The following GC variants were observed in gnomAD, a reference collection of about 807,000 sequenced individuals.
The protein encoded by GC is vitamin D-binding protein.
In GC, 43 loss-of-function variants were observed where a neutral mutation model predicts 56.7. The ratio of observed to expected loss-of-function variants is 0.76; its 90% confidence interval spans 0.59 to 0.98. The LOEUF (loss-of-function observed/expected upper bound fraction) is 0.98, where lower values mean the gene tolerates loss of function less well. Ranked by LOEUF, GC falls within the 50% of genes least tolerant of loss-of-function variation. The pLI, the probability that GC is intolerant of heterozygous loss-of-function variation, is 0.00. For missense variants in GC, 529 were observed against 545.9 expected (o/e 0.97, Z 0.31); for synonymous variants, 216 against 202.7 (o/e 1.07, Z -0.56).
At chr4:71,778,891 G>GTTATTATTATTA (rs149876631) in intron 1 of GC, among the ~76,000 whole-genome samples, 3,175 of 143,278 alleles carry the variant, frequency 0.022, 101 homozygotes, top group African/African-American at 0.072. Context: ...ATTGCTGTCA[G>GTTATTATTATTA]TTATTATTAT....
At chr4:71,784,640 T>C (rs2149307297), upstream of GC, among the ~76,000 whole-genome samples, 1 of 151,938 alleles carries the variant, frequency 6.6e-6, no homozygotes, top group East Asian at 1.9e-4. Context: ...CATAGTACTT[T>C]GTATTTCTAT....
chr4:71,758,277 G>C, intron 6 of GC, 106 bp from the exon 7 acceptor site: 2 of 969,022 alleles, frequency 2.1e-6, no homozygotes, highest in South Asian at 3.0e-5. Flanking sequence ...TCACCTCCTT[G>C]GCCTCAAGAG....
chr4:71,794,517 T>C (rs1048417697), intron 1 of GC, among the ~76,000 whole-genome samples: 1 of 152,196 alleles, frequency 6.6e-6, no homozygotes, highest in African/African-American at 2.4e-5. Flanking sequence ...CTTTATCATA[T>C]TTTATTGCAT....
At position 71,783,983 on chromosome 4, in the gene GC, T is replaced by C. The variant is rs202105181; in HGVS notation, c.36A>G (p.Ala12=). 51 of 1,602,496 alleles carry C rather than the reference T, an allele frequency of 3.2e-5. No individual in the cohort carries two copies. The highest frequency in any genetic ancestry group is 5.1e-5 in the Admixed American group (3 of 58,940). The change falls in exon 1 of 13, where the codon GCA becomes GCG. Residue 12 remains alanine (A), a synonymous_variant. Transcript: ENST00000273951. ...TACCTCTCTCTAAAGCATGTCCAAA[T>C]GCCACAGCAAGCAGTAGTACCAGGA... ...KRVLVLLLAV[A]FGHALERGRD... is the part of the protein sequence containing the mutation.
intron 12 of GC, 54 bp downstream of exon 12, chr4:71,746,097 A>C: frequency 1.3e-6 from 1 of 744,416 alleles, no homozygotes; most frequent in African/African-American, 1.8e-5. Flanking sequence ...TGATATTTAA[A>C]ATACATCCTA....
intron 10 of GC, 71 bp from the exon 11 acceptor site, chr4:71,752,721 T>C (rs1741598362): frequency 3.1e-6 from 4 of 1,274,872 alleles, no homozygotes; most frequent in African/African-American, 3.0e-5. Flanking sequence ...TGCAAAATAA[T>C]AGCCATTTCA....
At chr4:71,787,397 C>T (rs542704257), upstream of GC, among the ~76,000 whole-genome samples, 14 of 152,010 alleles carry the variant, frequency 9.2e-5, no homozygotes, top group East Asian at 2.7e-3. Flanking sequence ...TCTTTCTTCC[C>T]TTACTCTATT....
At chr4:71,796,059 A>T (rs1162128934) in intron 1 of GC, among the ~76,000 whole-genome samples, 1 of 152,044 alleles carries the variant, frequency 6.6e-6, no homozygotes, top group African/African-American at 2.4e-5. Flanking sequence ...TTTGTGGGTA[A>T]CCCGACCTTT....
At chr4:71,778,119 A>G (rs1206656099) in intron 1 of GC, among the ~76,000 whole-genome samples, 1 of 151,964 alleles carries the variant, frequency 6.6e-6, no homozygotes, top group Non-Finnish European at 1.5e-5. Flanking sequence ...GTATAACTAC[A>G]TAACACTCCT....
chr4:71,792,700 A>G (rs1432456285), intron 1 of GC, among the ~76,000 whole-genome samples: 1 of 152,248 alleles, frequency 6.6e-6, no homozygotes, highest in East Asian at 1.9e-4. Context: ...TTTTGTTGCC[A>G]TAGCTTTTGG....
Position 71,758,122 on chromosome 4 carries a change from C to T in GC, c.751G>A (p.Val251Ile), listed in dbSNP as rs143184570. Residue 251 changes from valine (V) to isoleucine (I), a missense_variant, in exon 7 of 13, where the codon GTT becomes ATT. Transcript: ENST00000273951. ...GTAATATCTTCAGCTAGTGGCAAAA[C>T]ATCCTCCAGATCAGCAGTAGGCACT... Reference protein sequence around the residue: ...QKVPTADLEDVLPLAEDITNI... With the variant: ...QKVPTADLEDILPLAEDITNI... 1.2e-5 allele frequency: 20 copies of T among 1,613,486 alleles called. No individual in the cohort carries two copies. The East Asian group carries it at 4.2e-4, about 34-fold the overall frequency.
intron 6 of GC, among the ~76,000 whole-genome samples, chr4:71,760,850 C>CT (rs757757448): frequency 3.9e-5 from 6 of 152,298 alleles, no homozygotes; most frequent in East Asian, 3.9e-4. Context: ...TTTGCTCCTC[C>CT]TTGCCTTCCA....
intron 6 of GC, among the ~76,000 whole-genome samples, chr4:71,761,529 C>A (rs1167139160): frequency 6.6e-6 from 1 of 152,240 alleles, no homozygotes; most frequent in South Asian, 2.1e-4. Flanking sequence ...TAACAAGGAG[C>A]TGAATGTTAA....
chr4:71,779,327 G>T (rs964085087), intron 1 of GC, among the ~76,000 whole-genome samples: 2 of 151,910 alleles, frequency 1.3e-5, no homozygotes, highest in African/African-American at 4.8e-5. Flanking sequence ...TAAGGGGATA[G>T]AAGATAATGG....
Position 71,756,867 on chromosome 4 carries a change from A to G in GC, c.879T>C (p.Asn293=). The part of the protein sequence containing the change: ...VKLCDNLSTK[N]SKFEDCCQEK... ...CTTGACAACAGTCTTCAAACTTAGA[A>G]TTCTTTGTGGATAAATTGTCACAGA... is the stretch of plus-strand genomic sequence containing the variant. Residue 293 remains asparagine (N), a synonymous_variant, in exon 8 of 13, where the codon AAT becomes AAC. Transcript: ENST00000273951. 2 of 1,613,864 alleles carry G rather than the reference A, an allele frequency of 1.2e-6. No individual in the cohort carries two copies. The highest frequency in any genetic ancestry group is 1.7e-6 in the Non-Finnish European group (2 of 1,179,768).
intron 10 of GC, among the ~76,000 whole-genome samples, chr4:71,754,201 C>T (rs1741644488): frequency 6.6e-6 from 1 of 152,164 alleles, no homozygotes; most frequent in South Asian, 2.1e-4. Flanking sequence ...TTATCCTTCA[C>T]CCCTCTCCTA....
upstream of GC, among the ~76,000 whole-genome samples, chr4:71,785,661 T>A (rs1278532869): frequency 6.6e-6 from 1 of 151,816 alleles, no homozygotes; most frequent in Non-Finnish European, 1.5e-5. Context: ...GAGCCAACTC[T>A]ATCTTGTTCA....
intron 12 of GC, among the ~76,000 whole-genome samples, chr4:71,744,388 G>T (rs1741289424): frequency 6.7e-6 from 1 of 149,610 alleles, no homozygotes; most frequent in Non-Finnish European, 1.5e-5. Context: ...GAACCCAGGA[G>T]GCGGTGCTTG....
intron 11 of GC, among the ~76,000 whole-genome samples, chr4:71,750,187 A>T (rs1267215734): frequency 6.6e-6 from 1 of 152,230 alleles, no homozygotes; most frequent in Non-Finnish European, 1.5e-5. Context: ...TGCTATTGCG[A>T]ACAGAGAATA....
Sources: allele counts gnomAD v4.1 joint callset (sites outside exome capture counted in the v4.1 genomes callset), GRCh38; gene constraint gnomAD v4.1.1; transcripts MANE v1.5; gene names NCBI Gene and HGNC (gene_info 2026-07-23, HGNC 2026-07-21).